The following CTNNA3 variants were observed in gnomAD, a reference collection of about 807,000 sequenced individuals.
CTNNA3 encodes catenin alpha-3.
A neutral mutation model predicts 95.7 loss-of-function variants in CTNNA3; 76 were observed. The observed-to-expected ratio is 0.79, with a 90% CI of 0.66 to 0.96. The LOEUF (loss-of-function observed/expected upper bound fraction) is 0.96, where lower values mean the gene tolerates loss of function less well. Among genes scored for constraint, CTNNA3 ranks in the 40% least tolerant of loss-of-function variants. The probability of loss-of-function intolerance (pLI) is 0.00; values close to 1 mark genes in which losing one functional copy is unlikely to be tolerated. For missense variants in CTNNA3, 1,191 were observed against 1,089.8 expected (o/e 1.09, Z -1.31); for synonymous variants, 431 against 374.4 (o/e 1.15, Z -1.74).
At chr10:66,880,518 G>T (rs930361864) in intron 7 of CTNNA3, among the ~76,000 whole-genome samples, 1 of 152,066 alleles carries the variant, frequency 6.6e-6, no homozygotes, top group Non-Finnish European at 1.5e-5. Flanking sequence ...CTAATACAAA[G>T]ATAACTGTGT....
At chr10:66,464,483 T>C (rs906198205) in intron 11 of CTNNA3, among the ~76,000 whole-genome samples, 4 of 151,974 alleles carry the variant, frequency 2.6e-5, no homozygotes, top group African/African-American at 9.7e-5. Flanking sequence ...CAAAATAGGG[T>C]TGGGCACGGA....
intron 12 of CTNNA3, among the ~76,000 whole-genome samples, chr10:66,324,455 CAG>C (rs1469595657): frequency 6.6e-6 from 1 of 152,158 alleles, no homozygotes; most frequent in Non-Finnish European, 1.5e-5. Flanking sequence ...TGCAAAAAGG[CAG>C]AGAGTCCACT....
intron 5 of CTNNA3, among the ~76,000 whole-genome samples, chr10:67,326,609 G>C (rs1412274091): frequency 6.6e-6 from 1 of 152,114 alleles, no homozygotes; most frequent in East Asian, 1.9e-4. Context: ...AGTCTGATGG[G>C]CTTCCCTTTG....
At chr10:66,507,493 T>C (rs1248071983) in intron 11 of CTNNA3, among the ~76,000 whole-genome samples, 1 of 152,116 alleles carries the variant, frequency 6.6e-6, no homozygotes, top group Non-Finnish European at 1.5e-5. Flanking sequence ...AACCTCCCTC[T>C]ATCCTCCTTC....
chr10:66,692,921 T>A (rs1182455702), intron 9 of CTNNA3, among the ~76,000 whole-genome samples: 2 of 152,126 alleles, frequency 1.3e-5, no homozygotes, highest in African/African-American at 4.8e-5. Flanking sequence ...CTGAGAGATT[T>A]TGTCACCACC....
chr10:66,240,568 CTTTG>C (rs1305466443), intron 13 of CTNNA3, among the ~76,000 whole-genome samples: 1 of 152,032 alleles, frequency 6.6e-6, no homozygotes, highest in African/African-American at 2.4e-5. Context: ...AACAGATGCT[CTTTG>C]TTAACCTTTT....
chr10:66,817,779 A>T (rs903280408), intron 7 of CTNNA3, among the ~76,000 whole-genome samples: 2 of 152,044 alleles, frequency 1.3e-5, no homozygotes, highest in African/African-American at 4.8e-5. Flanking sequence ...AGGACAAAAA[A>T]CTTCCAACTT....
At chr10:66,228,985 T>C (rs1213967323) in intron 13 of CTNNA3, among the ~76,000 whole-genome samples, 2 of 152,188 alleles carry the variant, frequency 1.3e-5, no homozygotes, top group South Asian at 2.1e-4. Flanking sequence ...TCACAAGGAA[T>C]AACTTTTTCC....
At chr10:66,453,408 A>G (rs2093477214) in intron 11 of CTNNA3, among the ~76,000 whole-genome samples, 1 of 152,208 alleles carries the variant, frequency 6.6e-6, no homozygotes, top group Non-Finnish European at 1.5e-5. Flanking sequence ...GCCACTTGGC[A>G]TCAGTTGTGA....
chr10:67,005,686 T>TTTTTTTTTTTTTTTTG (rs1851933060), intron 7 of CTNNA3, among the ~76,000 whole-genome samples: 3 of 101,152 alleles, frequency 3.0e-5, no homozygotes, highest in African/African-American at 6.3e-5. Context: ...CTCCATCTTT[T>TTTTTTTTTTTTTTTTG]TTTTTTTTTT....
chr10:66,145,238 A>G (rs186559418), intron 13 of CTNNA3, among the ~76,000 whole-genome samples: 10 of 152,236 alleles, frequency 6.6e-5, no homozygotes, highest in African/African-American at 2.2e-4. Flanking sequence ...TGTAAGGGCT[A>G]CTCCACAGCT....
chr10:67,394,262 C>T lies in CTNNA3; in HGVS notation c.579+127580G>A, dbSNP rs560877258. On this transcript the variant is annotated intron_variant, in intron 5 of 17. Coordinates refer to ENST00000433211, the MANE Select transcript of CTNNA3 (RefSeq NM_013266.4). ...TTTATATCTCAGTATTTAAGGTACA[C>T]CGTATCAATAATGGAGCATGAATAG... Among the ~76,000 whole-genome samples the T allele has an allele frequency of 4.0e-5, 6 of 150,996 alleles. No homozygotes were observed. In the South Asian group the frequency reaches 1.0e-3, roughly 26 times the overall value.
intron 7 of CTNNA3, among the ~76,000 whole-genome samples, chr10:66,848,389 G>A (rs557805756): frequency 7.6e-4 from 115 of 152,216 alleles, no homozygotes; most frequent in Non-Finnish European, 1.3e-3. Context: ...GACAGAGGGC[G>A]CTGGATCCTC....
chr10:67,725,157 T>C (rs1346148777), intron 1 of CTNNA3, among the ~76,000 whole-genome samples: 3 of 151,650 alleles, frequency 2.0e-5, no homozygotes, highest in African/African-American at 7.3e-5. Context: ...CACTTATATA[T>C]AGTATTAATT....
intron 15 of CTNNA3, among the ~76,000 whole-genome samples, chr10:65,994,841 T>C (rs1476099479): frequency 1.3e-5 from 2 of 152,144 alleles, no homozygotes; most frequent in Non-Finnish European, 2.9e-5. Flanking sequence ...ATTTGTACAA[T>C]CTTTTTTTAT....
intron 13 of CTNNA3, among the ~76,000 whole-genome samples, chr10:66,121,920 A>G (rs2082601582): frequency 6.6e-6 from 1 of 152,238 alleles, no homozygotes; most frequent in Non-Finnish European, 1.5e-5. Flanking sequence ...TTTCTGGTAC[A>G]AAAGATGTTC....
rs547503467 is a variant in CTNNA3, at chr10:66,102,329, A to G, written c.1977+828T>C. 1.9e-4 allele frequency among the ~76,000 whole-genome samples: 29 copies of G among 152,334 alleles called. No homozygotes were observed. In the South Asian group the frequency reaches 4.8e-3, roughly 25 times the overall value. ...ATTGAGAAGTTACTATGAACTAGGCACTATATAAGTGGTCTGTTAGTTGAC... is the reference window on the plus strand; with the variant it reads ...ATTGAGAAGTTACTATGAACTAGGCGCTATATAAGTGGTCTGTTAGTTGAC... On this transcript the variant is annotated intron_variant, in intron 14 of 17. Transcript: ENST00000433211.
chr10:67,087,130 C>A (rs1462082832), intron 7 of CTNNA3, among the ~76,000 whole-genome samples: 1 of 152,024 alleles, frequency 6.6e-6, no homozygotes, highest in Non-Finnish European at 1.5e-5. Flanking sequence ...TTAGCAGGCA[C>A]TGGGCTGTGC....
intron 1 of CTNNA3, among the ~76,000 whole-genome samples, chr10:67,749,940 C>T (rs566379020): frequency 1.5e-3 from 226 of 152,268 alleles, no homozygotes; most frequent in African/African-American, 5.2e-3. Context: ...GGTCCCCTTC[C>T]ATGCTGTGGA....
Sources: allele counts gnomAD v4.1 joint callset (sites outside exome capture counted in the v4.1 genomes callset), GRCh38; gene constraint gnomAD v4.1.1; transcripts MANE v1.5; gene names NCBI Gene and HGNC (gene_info 2026-07-23, HGNC 2026-07-21).